The following TIAM2 variants were observed in gnomAD, a reference collection of about 807,000 sequenced individuals.
The protein encoded by TIAM2 is rho guanine nucleotide exchange factor TIAM2.
In TIAM2, 80 loss-of-function variants were observed where a neutral mutation model predicts 152.9. The ratio of observed to expected loss-of-function variants is 0.52; its 90% CI spans 0.44 to 0.63. The LOEUF is 0.63. Ranked by LOEUF, TIAM2 falls within the 30% of genes least tolerant of loss-of-function variation. The pLI, the probability that TIAM2 is intolerant of heterozygous loss-of-function variation, is 0.00. For synonymous variants in TIAM2, 804 were observed against 838.0 expected, an observed-to-expected ratio of 0.96 and a Z score of 0.70; for missense variants, 1,965 against 2,120.1, an observed-to-expected ratio of 0.93 and a Z score of 1.44.
intron 20 of TIAM2, among the ~76,000 whole-genome samples, chr6:155,249,049 C>T (rs752550243): frequency 6.6e-6 from 1 of 152,088 alleles, no homozygotes; most frequent in Non-Finnish European, 1.5e-5. Flanking sequence ...AGCATTCATA[C>T]TATGTAAAAA....
chr6:155,034,200 C>T (rs968422196), intron 1 of TIAM2, among the ~76,000 whole-genome samples: 1 of 152,082 alleles, frequency 6.6e-6, no homozygotes, highest in African/African-American at 2.4e-5. Context: ...CAGTTTCTGC[C>T]CAGTCAATAT....
At chr6:155,215,901 G>A (rs773963562) in intron 15 of TIAM2, among the ~76,000 whole-genome samples, 1 of 151,656 alleles carries the variant, frequency 6.6e-6, no homozygotes, top group Non-Finnish European at 1.5e-5. Context: ...TTGACCTCCT[G>A]GGCTCAAATG....
At position 155,251,995 on chromosome 6, in the gene TIAM2, A is replaced by G; in HGVS notation, c.4111A>G (p.Lys1371Glu). ...TTATAAAGAAAACTGCAAACTGAAA[A>G]AGAAATTGGTAAGGCAAAAATTCAT... ...LVYKENCKLKKKLPSNSRPAH... is the reference protein window; with the variant it reads ...LVYKENCKLKEKLPSNSRPAH... The change falls in exon 23 of 27, where the codon AAG becomes GAG. Residue 1371 changes from lysine (K) to glutamate (E), a missense_variant. Lys to Glu is a moderately conservative substitution (Grantham distance 56, BLOSUM62 1). Around this residue, in one of 3 missense-constraint regions of TIAM2, gnomAD observed 935 missense variants for 980.0 expected, o/e 0.95. Transcript: ENST00000682666. The G allele has an allele frequency of 6.2e-7, 1 of 1,605,592 alleles. No homozygotes were observed. Among genetic ancestry groups the G allele is most frequent in the East Asian group, 2.2e-5 (1 of 44,842 alleles).
At chr6:155,216,991 C>T (rs1255447762) in intron 15 of TIAM2, 114 of 1,259,024 alleles carry the variant, frequency 9.1e-5, no homozygotes, top group Non-Finnish European at 1.1e-4. Flanking sequence ...GAGGGAGAGA[C>T]AACGTGTGTC....
intron 2 of TIAM2, among the ~76,000 whole-genome samples, chr6:155,105,435 C>A (rs896584595): frequency 1.1e-4 from 16 of 152,122 alleles, no homozygotes; most frequent in African/African-American, 3.9e-4. Context: ...TGGCATGAGC[C>A]ATCGCCCCTG....
intron 1 of TIAM2, among the ~76,000 whole-genome samples, chr6:155,075,801 G>C (rs900845066): frequency 3.9e-5 from 6 of 152,104 alleles, no homozygotes; most frequent in Non-Finnish European, 7.4e-5. Flanking sequence ...AGAAAGCAAA[G>C]GTGTCACTAT....
intron 1 of TIAM2, among the ~76,000 whole-genome samples, chr6:155,074,342 C>CT (rs1008562936): frequency 2.6e-5 from 4 of 151,038 alleles, no homozygotes; most frequent in Non-Finnish European, 5.9e-5. Flanking sequence ...TAATGATAAG[C>CT]TTTTTTTTTG....
intron 15 of TIAM2, among the ~76,000 whole-genome samples, chr6:155,220,427 G>A (rs1218848166): frequency 6.6e-6 from 1 of 152,190 alleles, no homozygotes; most frequent in African/African-American, 2.4e-5. Flanking sequence ...TGGAGGCCTG[G>A]CGGGCTGCAC....
At chr6:155,198,382 G>A (rs772192802) in intron 14 of TIAM2, among the ~76,000 whole-genome samples, 1 of 152,200 alleles carries the variant, frequency 6.6e-6, no homozygotes, top group South Asian at 2.1e-4. Context: ...TCTTAATGAG[G>A]CCGGGCGTGG....
At chr6:155,063,153 T>C (rs936342527) in intron 1 of TIAM2, among the ~76,000 whole-genome samples, 1 of 152,152 alleles carries the variant, frequency 6.6e-6, no homozygotes, top group Non-Finnish European at 1.5e-5. Context: ...CTGGTTCAGA[T>C]TTAGTGGCAA....
intron 1 of TIAM2, among the ~76,000 whole-genome samples, chr6:155,047,650 GGA>G (rs1162039447): frequency 4.0e-4 from 58 of 143,828 alleles, no homozygotes; most frequent in African/African-American, 7.3e-4. Context: ...AGGGGTGGGG[GGA>G]GAGAGAGAGA....
intron 1 of TIAM2, among the ~76,000 whole-genome samples, chr6:155,027,245 C>G (rs1219144192): frequency 1.3e-5 from 2 of 151,190 alleles, no homozygotes; most frequent in African/African-American, 2.4e-5. Context: ...AGGATGGTCT[C>G]TTACTCCTGA....
At position 155,137,219 on chromosome 6, in the gene TIAM2, T is replaced by C. The variant is rs1401692313; in HGVS notation, c.1237T>C (p.Ser413Pro). The C allele has an allele frequency of 9.9e-6, 16 of 1,614,126 alleles. No homozygotes were observed. The highest frequency in any genetic ancestry group is 9.3e-5 in the African/African-American group (7 of 75,056). ...GGGCAGTGACTACTTTGACAGTCGC[T>C]CTGATGGACTGAATACAGATGTGCA... ...KEGSDYFDSR[S>P]DGLNTDVQGS... is the part of the protein sequence containing the mutation. The change falls in exon 5 of 27, where the codon TCT becomes CCT. Residue 413 changes from serine to proline, a missense_variant. Around this residue, in one of 3 missense-constraint regions of TIAM2, gnomAD observed 1,025 missense variants for 1,119.4 expected, o/e 0.92. Transcript: ENST00000682666.
intron 1 of TIAM2, among the ~76,000 whole-genome samples, chr6:155,023,336 A>G (rs1776536810): frequency 6.6e-6 from 1 of 152,174 alleles, no homozygotes; most frequent in Non-Finnish European, 1.5e-5. Context: ...GCGGTTGTTG[A>G]TGGGTCAATG....
intron 8 of TIAM2, among the ~76,000 whole-genome samples, chr6:155,164,920 G>T (rs1237429385): frequency 6.6e-6 from 1 of 152,156 alleles, no homozygotes; most frequent in Non-Finnish European, 1.5e-5. Flanking sequence ...GAAGATTAAA[G>T]GATGGATTAA....
In TIAM2 at chr6:155,223,508, C is replaced by T. The variant is rs547595436; in HGVS notation, c.3168+12201C>T. ...GATTATATTGATGATGGTGGTTAGA[C>T]ATCCCCAGATTTTTTTTTCTTTTTT... On this transcript the variant is annotated intron_variant, in intron 15 of 26. Transcript: ENST00000682666. Among the ~76,000 whole-genome samples, 4 of 139,832 alleles carry T rather than the reference C, an allele frequency of 2.9e-5. No homozygotes were observed. The East Asian group carries it at 8.6e-4, about 30-fold the overall frequency. 91.7% of individuals were successfully genotyped at this position (139,832 alleles called of 152,430 possible). A position where few individuals can be genotyped will look rare whatever the true frequency, so the allele number is the denominator to read the frequency against.
Position 155,156,680 on chromosome 6 carries a change from T to TA in TIAM2, c.2029-7728dup, listed in dbSNP as rs796957197. 1.3e-5 allele frequency among the ~76,000 whole-genome samples: 2 copies of TA among 151,650 alleles called. No homozygotes were observed. The highest frequency in any genetic ancestry group is 1.3e-4 in the Admixed American group (2 of 15,194). Reference sequence around the variant, plus strand: ...AAAATAAATAAATAAATAAATAAAGTAAAAAAATAAAAAGCACATGTGATC... The same window carrying TA: ...AAAATAAATAAATAAATAAATAAAGTAAAAAAAATAAAAAGCACATGTGATC... On this transcript the variant is annotated intron_variant, in intron 7 of 26. Coordinates refer to ENST00000682666, the MANE Select transcript of TIAM2 (RefSeq NM_012454.4). This position sits in a 1 kb window ranked among gnomAD's most constrained non-coding sequence, Gnocchi z 4.4.
At chr6:155,021,641 G>A (rs1027354985) in intron 1 of TIAM2, among the ~76,000 whole-genome samples, 4 of 152,052 alleles carry the variant, frequency 2.6e-5, no homozygotes, top group African/African-American at 7.2e-5. Context: ...CCAATCAACC[G>A]TGCACAAGGG....
rs1283943969 is a variant in TIAM2, at chr6:155,130,424, A to G, written c.1194+7A>G. 2 of 1,610,920 alleles carry G rather than the reference A, an allele frequency of 1.2e-6. No individual in the cohort carries two copies. The highest frequency in any genetic ancestry group is 1.3e-5 in the African/African-American group (1 of 74,670). ...GAAGAAAAGGAAACTCCAGGTGAGC[A>G]TACCTTAGAGCAGAGGGAAGGGTCC... is the stretch of plus-strand genomic sequence containing the variant. On this transcript the variant is annotated splice_region_variant and intron_variant, in intron 4 of 26. Coordinates refer to ENST00000682666, the MANE Select transcript of TIAM2 (RefSeq NM_012454.4).
Sources: gnomAD v4.1 joint callset for allele counts (sites outside exome capture counted in the v4.1 genomes callset) on GRCh38, gnomAD v4.1.1 for gene constraint, gnomAD v4.1.1 regional missense constraint, Gnocchi (gnomAD v3.1) non-coding constraint, MANE v1.5 for transcripts, NCBI Gene and HGNC (gene_info 2026-07-23, HGNC 2026-07-21) for gene names.